Variants in NCAN observed in about 807,000 individuals in gnomAD.
NCAN encodes the protein neurocan.
In NCAN, 47 loss-of-function variants were observed where a neutral mutation model predicts 121.8. The observed-to-expected ratio is 0.39, with a 90% CI of 0.31 to 0.49. The LOEUF is 0.49. Among genes scored for constraint, NCAN ranks in the 20% least tolerant of loss-of-function variants. The pLI is 0.92. For synonymous variants in NCAN, 633 were observed against 702.0 expected (o/e 0.90, Z 1.55); for missense variants, 1,517 against 1,773.4 (o/e 0.86, Z 2.60).
chr19:19,248,615 ACT>A (rs2060934567), intron 13 of NCAN, 83 bp from the exon 14 acceptor site: 3 of 1,396,454 alleles, frequency 2.1e-6, no homozygotes, highest in Non-Finnish European at 3.0e-6. Flanking sequence ...ACAGAGCGAA[ACT>A]CTGTCTCAAA....
Position 19,226,940 on chromosome 19 carries a change from G to A in NCAN, c.1527G>A (p.Gln509=), listed in dbSNP as rs1330892803. The change falls in exon 7 of 15, where the codon CAG becomes CAA. Residue 509 remains glutamine (Q), a synonymous_variant. Transcript: ENST00000252575. The stretch of plus-strand genomic sequence containing the variant: ...AAGGGGGGATGGAGGCCAGCGCCCA[G>A]CCCCCCACCTCAGAGGCTGCAGTGA... ...GLQGGMEASA[Q]PPTSEAAVNQ... The A allele has an allele frequency of 6.3e-7, 1 of 1,579,550 alleles. No homozygotes were observed. The highest frequency in any genetic ancestry group is 1.8e-5 in the Admixed American group (1 of 56,106).
At chr19:19,238,839 G>A in intron 11 of NCAN, 2 of 288,862 alleles carry the variant, frequency 6.9e-6, no homozygotes, top group Non-Finnish European at 1.3e-5. Context: ...AGGAGATGGA[G>A]GGTGATGGGA....
In NCAN at chr19:19,225,350, A is replaced by G. The variant is rs2060832171; in HGVS notation, c.1072+80A>G. On this transcript the variant is annotated intron_variant, in intron 6 of 14. Coordinates refer to ENST00000252575, the MANE Select transcript of NCAN (RefSeq NM_004386.3). This position sits in a 1 kb window ranked among gnomAD's most constrained non-coding sequence, Gnocchi z 4.0. ...ACGTCCCTGAAAGCCTCGCCAAGCCAAGGGAGAGACACATGGAAGCTCGCT... is the reference window on the plus strand; with the variant it reads ...ACGTCCCTGAAAGCCTCGCCAAGCCGAGGGAGAGACACATGGAAGCTCGCT... 7.1e-7 allele frequency: 1 copy of G among 1,411,688 alleles called. No individual in the cohort carries two copies. Among genetic ancestry groups the G allele is most frequent in the Non-Finnish European group, 9.2e-7 (1 of 1,089,324 alleles). The allele number at this position is 1,411,688 out of a possible 1,614,324, so 87.4% of individuals were successfully genotyped here.
At chr19:19,220,447 ATTCT>A (rs2060812075) in intron 3 of NCAN, among the ~76,000 whole-genome samples, 1 of 108,730 alleles carries the variant, frequency 9.2e-6, no homozygotes. Flanking sequence ...TGTTTAGGCA[ATTCT>A]TTTTTTTTTT....
At chr19:19,230,403 A>T (rs1476129753) in intron 8 of NCAN, among the ~76,000 whole-genome samples, 15 of 118,488 alleles carry the variant, frequency 1.3e-4, no homozygotes, top group Admixed American at 4.1e-4. Context: ...CCACCCCCAA[A>T]TTTTTTTTTT....
At position 19,215,385 on chromosome 19, in the gene NCAN, A is replaced by T. The variant is rs565264184; in HGVS notation, c.-7-1562A>T. 9.2e-5 allele frequency among the ~76,000 whole-genome samples: 14 copies of T among 151,982 alleles called. No homozygotes were observed. The East Asian group carries it at 1.9e-3, about 21-fold the overall frequency. ...CAGGAGTGGGAGGTTTTGGGGAGGG[A>T]CCACCTCCCCAGGATTCCTAGTCTC... On this transcript the variant is annotated intron_variant, in intron 1 of 14. Transcript: ENST00000252575.
At chr19:19,220,607 G>A (rs1268822929) in intron 3 of NCAN, among the ~76,000 whole-genome samples, 13 of 151,804 alleles carry the variant, frequency 8.6e-5, no homozygotes, top group African/African-American at 3.1e-4. Context: ...ACAGGCGCCC[G>A]CCACAGCGCC....
Position 19,213,617 on chromosome 19 carries a change from TGA to T in NCAN, c.-8+1555_-8+1556del, listed in dbSNP as rs1325376638. ...TTGTTAATGTCACTGTGAATCTGTG[TGA>T]GTGTGTGTTTCCCCAGGGTCTGTGT... On this transcript the variant is annotated intron_variant, in intron 1 of 14. Transcript: ENST00000252575. Among the ~76,000 whole-genome samples the T allele has an allele frequency of 2.6e-5, 4 of 151,838 alleles. No homozygotes were observed. The East Asian group carries it at 7.8e-4, about 29-fold the overall frequency.
chr19:19,216,903 T>C (rs757992464), intron 1 of NCAN, 44 bp from the exon 2 acceptor site: 1 of 1,169,068 alleles, frequency 8.6e-7, no homozygotes, highest in South Asian at 3.5e-5. Flanking sequence ...TCTGGGAGGG[T>C]TGGGCTGTGG....
intron 8 of NCAN, among the ~76,000 whole-genome samples, chr19:19,232,044 C>A (rs1462788633): frequency 6.6e-6 from 1 of 151,882 alleles, no homozygotes; most frequent in African/African-American, 2.4e-5. Flanking sequence ...GGGGATCAAC[C>A]CTGGAAAGAT....
intron 3 of NCAN, among the ~76,000 whole-genome samples, chr19:19,222,834 C>T (rs2060821635): frequency 6.6e-6 from 1 of 151,924 alleles, no homozygotes; most frequent in African/African-American, 2.4e-5. Context: ...TTGGGCCGGG[C>T]GCGGTGGCTC....
At chr19:19,243,011 AAAAAT>A (rs1176867196) in intron 12 of NCAN, among the ~76,000 whole-genome samples, 7 of 151,664 alleles carry the variant, frequency 4.6e-5, no homozygotes, top group Admixed American at 3.3e-4. Flanking sequence ...ACTCCGGCTC[AAAAAT>A]AAAATAAAAT....
At chr19:19,240,013 T>C (rs1417266064) in intron 11 of NCAN, among the ~76,000 whole-genome samples, 2 of 79,232 alleles carry the variant, frequency 2.5e-5, no homozygotes, top group African/African-American at 5.7e-5. Flanking sequence ...TCCCCCTCCT[T>C]CTTCCACTGA....
intron 9 of NCAN, among the ~76,000 whole-genome samples, chr19:19,234,232 A>G (rs1016752203): frequency 1.3e-5 from 2 of 152,198 alleles, no homozygotes; most frequent in African/African-American, 2.4e-5. Context: ...GGTGGGAGGT[A>G]TAAGCACTGC....
intron 1 of NCAN, among the ~76,000 whole-genome samples, chr19:19,215,151 G>A (rs916249457): frequency 3.3e-5 from 5 of 152,172 alleles, no homozygotes; most frequent in African/African-American, 1.2e-4. Context: ...CAGGTCCCAG[G>A]CCGGCCTCCC....
chr19:19,226,744 G>C lies in NCAN; in HGVS notation c.1331G>C (p.Gly444Ala). The C allele has an allele frequency of 6.2e-7, 1 of 1,613,334 alleles. No individual in the cohort carries two copies. Among genetic ancestry groups the C allele is most frequent in the Non-Finnish European group, 8.5e-7 (1 of 1,179,784 alleles). Residue 444 changes from glycine to alanine, a missense_variant, in exon 7 of 15, where the codon GGG becomes GCG. Coordinates refer to ENST00000252575, the MANE Select transcript of NCAN (RefSeq NM_004386.3). ...CCCATGCTGGCCTCATGGCCCACTG[G>C]GGAAGTGTGGCTAAGCACGGTGGCC... ...GDPMLASWPT[G>A]EVWLSTVAPS...
rs762395671 is a variant in NCAN at position 19,249,791 on chromosome 19, A to ACACCAC, written c.3858_3863dup (p.His1286_His1287dup). Reference sequence around the variant, plus strand: ...CCAGACGTTCACATCGGATGCGGCGACACCACCACCACCACCAACACCACC... The same window carrying ACACCAC: ...CCAGACGTTCACATCGGATGCGGCGACACCACCACCACCACCACCACCAACACCACC... On this transcript the variant is annotated inframe_insertion, in exon 15 of 15. Coordinates refer to ENST00000252575, the MANE Select transcript of NCAN (RefSeq NM_004386.3). 5 of 1,608,204 alleles carry ACACCAC rather than the reference A, an allele frequency of 3.1e-6. No homozygotes were observed. The highest frequency in any genetic ancestry group is 1.1e-5 in the South Asian group (1 of 90,300).
In NCAN at chr19:19,248,815, C is replaced by A. The variant is rs781333986; in HGVS notation, c.3753C>A (p.His1251Gln). The A allele has an allele frequency of 1.2e-6, 2 of 1,614,088 alleles. No homozygotes were observed. Among genetic ancestry groups the A allele is most frequent in the African/African-American group, 2.7e-5 (2 of 74,934 alleles). Reference sequence around the variant, plus strand: ...AGTGCAATGAAGGATTTGCCCAGCACCATGTGGCCACCATTCGATGCCGGA... The same window carrying A: ...AGTGCAATGAAGGATTTGCCCAGCAACATGTGGCCACCATTCGATGCCGGA... ...RYQCNEGFAQ[H>Q]HVATIRCRSN... is the part of the protein sequence containing the mutation. The change falls in exon 14 of 15, where the codon CAC (histidine) becomes CAA (glutamine). Residue 1251 changes from histidine (H) to glutamine (Q), a missense_variant. Physicochemically the swap from His to Gln is conservative, Grantham distance 24. Coordinates refer to ENST00000252575, the MANE Select transcript of NCAN (RefSeq NM_004386.3).
chr19:19,246,970 A>G (rs2060926620), intron 13 of NCAN, among the ~76,000 whole-genome samples: 1 of 152,160 alleles, frequency 6.6e-6, no homozygotes, highest in African/African-American at 2.4e-5. Flanking sequence ...ATCTTTATAT[A>G]TGAAAGAAAT....
Sources: gnomAD v4.1 joint callset for allele counts (sites outside exome capture counted in the v4.1 genomes callset) on GRCh38, gnomAD v4.1.1 for gene constraint, Gnocchi (gnomAD v3.1) non-coding constraint, MANE v1.5 for transcripts, NCBI Gene and HGNC (gene_info 2026-07-23, HGNC 2026-07-21) for gene names.